The following STAB2 variants were observed in gnomAD, a reference collection of about 807,000 sequenced individuals.
STAB2 encodes the protein stabilin-2.
A neutral mutation model predicts 338.1 loss-of-function variants in STAB2; 288 were observed. The observed-to-expected ratio is 0.85, with a 90% CI of 0.77 to 0.94. The LOEUF (loss-of-function observed/expected upper bound fraction) is 0.94. STAB2 is among the 40% of genes least tolerant of loss of function. STAB2 has a pLI of 0.00. For synonymous variants in STAB2, 1,202 were observed against 1,193.3 expected, an observed-to-expected ratio of 1.01 and a Z score of -0.15; for missense variants, 3,141 against 3,210.1, an observed-to-expected ratio of 0.98 and a Z score of 0.52.
chr12:103,672,838 C>T (rs988786757), intron 22 of STAB2, among the ~76,000 whole-genome samples: 2 of 152,146 alleles, frequency 1.3e-5, no homozygotes, highest in African/African-American at 4.8e-5. Context: ...TATGGAAATG[C>T]CAGTTCATAT....
At chr12:103,604,260 G>A (rs1356933100) in intron 3 of STAB2, among the ~76,000 whole-genome samples, 1 of 152,020 alleles carries the variant, frequency 6.6e-6, no homozygotes, top group Non-Finnish European at 1.5e-5. Flanking sequence ...GCTAGGTTCA[G>A]TTGGCTATAA....
intron 19 of STAB2, 49 bp from the exon 20 acceptor site, chr12:103,668,594 G>A (rs1284203105): frequency 6.6e-6 from 10 of 1,505,654 alleles, no homozygotes; most frequent in Non-Finnish European, 7.2e-6. Flanking sequence ...AGTGCCTGGA[G>A]GACCTAAACA....
chr12:103,688,070 G>A, intron 27 of STAB2, 98 bp from the exon 28 acceptor site: 1 of 1,196,488 alleles, frequency 8.4e-7, no homozygotes, highest in Non-Finnish European at 1.2e-6. Context: ...AAGGCTGAGT[G>A]CAGGTGACCC....
chr12:103,688,158 T>C lies in STAB2; in HGVS notation c.2998-10T>C, dbSNP rs767940484. 35 of 1,612,936 alleles carry C rather than the reference T, an allele frequency of 2.2e-5. No individual in the cohort carries two copies. The highest frequency in any genetic ancestry group is 2.9e-5 in the Non-Finnish European group (34 of 1,179,034). The stretch of plus-strand genomic sequence containing the variant: ...ATCTCTTCTTCCCTCCCTTGCATGA[T>C]ATGAATAAGGAATTGTCATTTCTCT... On this transcript the variant is annotated splice_polypyrimidine_tract_variant and intron_variant, in intron 27 of 68. Coordinates refer to ENST00000388887, the MANE Select transcript of STAB2 (RefSeq NM_017564.10).
intron 54 of STAB2, 59 bp downstream of exon 54, chr12:103,739,527 C>CTGTG (rs35471201): frequency 0.013 from 8,669 of 672,604 alleles, 113 homozygotes; most frequent in African/African-American, 0.049. Context: ...ATTATCAGAC[C>CTGTG]TGTGTGTGTG....
At chr12:103,617,703 T>C (rs1957232046) in intron 3 of STAB2, among the ~76,000 whole-genome samples, 1 of 152,208 alleles carries the variant, frequency 6.6e-6, no homozygotes, top group African/African-American at 2.4e-5. Flanking sequence ...TTATGAATAT[T>C]AGCTACCCAT....
chr12:103,620,330 C>A (rs967393897), intron 3 of STAB2, 138 bp from the exon 4 acceptor site: 1 of 733,456 alleles, frequency 1.4e-6, no homozygotes, highest in Admixed American at 2.7e-5. Context: ...TTCTGTAAAA[C>A]CCTAGATGAC....
intron 12 of STAB2, among the ~76,000 whole-genome samples, chr12:103,653,623 G>GATGGATGA (rs1873918978): frequency 6.7e-6 from 1 of 149,386 alleles, no homozygotes; most frequent in Non-Finnish European, 1.5e-5. Context: ...TGGATGGATG[G>GATGGATGA]ATGGATGGAT....
At chr12:103,645,893 A>AG (rs1457173350) in intron 9 of STAB2, among the ~76,000 whole-genome samples, 2 of 135,866 alleles carry the variant, frequency 1.5e-5, no homozygotes, top group Middle Eastern at 3.6e-3. Flanking sequence ...GGGGCTGGGG[A>AG]GGGGGGGCAA....
At chr12:103,606,369 C>T (rs557227005) in intron 3 of STAB2, among the ~76,000 whole-genome samples, 1 of 152,242 alleles carries the variant, frequency 6.6e-6, no homozygotes, top group East Asian at 1.9e-4. Flanking sequence ...AAACAATGAA[C>T]CATACTTTAA....
intron 49 of STAB2, among the ~76,000 whole-genome samples, chr12:103,730,856 C>G (rs1449208847): frequency 6.6e-6 from 1 of 152,122 alleles, no homozygotes; most frequent in Non-Finnish European, 1.5e-5. Flanking sequence ...CAAGACCAGC[C>G]TGGGCAACAT....
intron 3 of STAB2, among the ~76,000 whole-genome samples, chr12:103,610,651 T>C (rs1385838008): frequency 6.6e-6 from 1 of 152,224 alleles, no homozygotes; most frequent in African/African-American, 2.4e-5. Flanking sequence ...CCTGGATTCA[T>C]TAATTTTTTG....
At chr12:103,749,841 C>CAAAAAAAAAAAAAAAAAAAAAAA (rs369556936) in intron 59 of STAB2, among the ~76,000 whole-genome samples, 2 of 51,132 alleles carry the variant, frequency 3.9e-5, no homozygotes, top group African/African-American at 1.4e-4. Context: ...CTCTGTCTCA[C>CAAAAAAAAAAAAAAAAAAAAAAA]AAAAAAAAAA....
At chr12:103,698,555 C>T (rs1317212035) in intron 33 of STAB2, among the ~76,000 whole-genome samples, 1 of 152,116 alleles carries the variant, frequency 6.6e-6, no homozygotes, top group Non-Finnish European at 1.5e-5. Context: ...ACAGCAAACA[C>T]CCACATTCTT....
At chr12:103,651,525 G>A (rs1873743008) in intron 11 of STAB2, among the ~76,000 whole-genome samples, 1 of 151,968 alleles carries the variant, frequency 6.6e-6, no homozygotes, top group Non-Finnish European at 1.5e-5. Context: ...TGTTGACCAG[G>A]ATGGTCTCCA....
At chr12:103,763,121 G>T (rs1976256) in intron 67 of STAB2, among the ~76,000 whole-genome samples, 5 of 152,042 alleles carry the variant, frequency 3.3e-5, no homozygotes, top group Admixed American at 2.6e-4. Flanking sequence ...AAAGTGTATA[G>T]GCTGTATGAC....
chr12:103,611,998 A>C (rs1465057844), intron 3 of STAB2, among the ~76,000 whole-genome samples: 1 of 152,158 alleles, frequency 6.6e-6, no homozygotes, highest in African/African-American at 2.4e-5. Flanking sequence ...TTTCTTTAAG[A>C]ATGTTGAATA....
intron 51 of STAB2, among the ~76,000 whole-genome samples, chr12:103,733,659 A>G (rs373203131): frequency 2.0e-5 from 3 of 152,220 alleles, no homozygotes; most frequent in South Asian, 4.1e-4. Flanking sequence ...ATGATCATAT[A>G]GGAACATGCA....
Position 103,673,889 on chromosome 12 carries a change from C to A in STAB2, c.2372-18C>A. The A allele has an allele frequency of 6.2e-7, 1 of 1,601,234 alleles. No homozygotes were observed. The highest frequency in any genetic ancestry group is 8.5e-7 in the Non-Finnish European group (1 of 1,171,084). On this transcript the variant is annotated intron_variant, in intron 22 of 68. Coordinates refer to ENST00000388887, the MANE Select transcript of STAB2 (RefSeq NM_017564.10). ...GTCCCCAAGGCCTGGACGGATGTCC[C>A]TCCTCCTCCTCTTTCAGAATGCCTG...
Sources: allele counts gnomAD v4.1 joint callset (sites outside exome capture counted in the v4.1 genomes callset), GRCh38; gene constraint gnomAD v4.1.1; transcripts MANE v1.5; gene names NCBI Gene and HGNC (gene_info 2026-07-23, HGNC 2026-07-21).